Variants in NXPE2 observed in about 807,000 individuals in gnomAD.
NXPE2 encodes neurexophilin and PC-esterase domain family member 2, also known as NXPE family member 2.
In NXPE2, 34 loss-of-function variants were observed where a neutral mutation model predicts 34.4. The observed-to-expected ratio is 0.99, with a 90% CI of 0.75 to 1.31. NXPE2 has a LOEUF of 1.31. NXPE2 is among the 40% of genes most tolerant of loss of function. The pLI is 0.00. For missense variants in NXPE2, 649 were observed against 672.5 expected, an observed-to-expected ratio of 0.97 and a Z score of 0.39; for synonymous variants, 235 against 231.3, an observed-to-expected ratio of 1.02 and a Z score of -0.15.
At chr11:114,749,649 A>T in the NXPE2 span, among the ~76,000 whole-genome samples, 1 of 152,152 alleles carries the variant, frequency 6.6e-6, no homozygotes, top group African/African-American at 2.4e-5. Context: ...TGACAATGAC[A>T]AAACTATCTC....
chr11:114,704,868 T>A (rs910924674), intron 4 of NXPE2, among the ~76,000 whole-genome samples: 6 of 152,220 alleles, frequency 3.9e-5, no homozygotes, highest in African/African-American at 1.2e-4. Flanking sequence ...TTGAGGCAAT[T>A]TGAATGTTTG....
chr11:114,569,182 TG>T, the NXPE2 span, among the ~76,000 whole-genome samples: 7 of 152,308 alleles, frequency 4.6e-5, no homozygotes, highest in African/African-American at 1.7e-4. Flanking sequence ...TGGTGGTATC[TG>T]GGGCATGATG....
At chr11:114,703,736 G>C (rs911581016) in intron 3 of NXPE2, among the ~76,000 whole-genome samples, 1 of 152,090 alleles carries the variant, frequency 6.6e-6, no homozygotes, top group African/African-American at 2.4e-5. Context: ...CAGATAGATA[G>C]ATAGATGTTA....
downstream of NXPE2, among the ~76,000 whole-genome samples, chr11:114,709,630 G>A (rs954044423): frequency 6.6e-6 from 1 of 152,192 alleles, no homozygotes; most frequent in Admixed American, 6.5e-5. Context: ...TCAGATGCTG[G>A]GTGTGGTGGC....
chr11:114,476,844 G>T, the NXPE2 span, among the ~76,000 whole-genome samples: 1 of 152,166 alleles, frequency 6.6e-6, no homozygotes, highest in African/African-American at 2.4e-5. Context: ...TCAATAGTGT[G>T]TGTGGAGGTA....
chr11:114,467,897 C>T, the NXPE2 span, among the ~76,000 whole-genome samples: 2 of 152,018 alleles, frequency 1.3e-5, no homozygotes, highest in African/African-American at 2.4e-5. Flanking sequence ...GATTGTGTCA[C>T]TGCATTCCAG....
the NXPE2 span, chr11:114,571,197 T>A: frequency 1.9e-6 from 3 of 1,614,068 alleles, no homozygotes; most frequent in Non-Finnish European, 2.5e-6. Context: ...AAGAAGATGC[T>A]GAATGGCTTT....
At chr11:114,645,214 T>C in the NXPE2 span, among the ~76,000 whole-genome samples, 1 of 151,934 alleles carries the variant, frequency 6.6e-6, no homozygotes, top group Non-Finnish European at 1.5e-5. Flanking sequence ...GGCAGGAGAA[T>C]CACTTGAACC....
the NXPE2 span, among the ~76,000 whole-genome samples, chr11:114,811,144 A>T: frequency 7.4e-6 from 1 of 134,418 alleles, no homozygotes; most frequent in African/African-American, 2.8e-5. Context: ...ATGAGAACAC[A>T]TGGACACAGG....
the NXPE2 span, among the ~76,000 whole-genome samples, chr11:114,760,913 G>T: frequency 6.6e-6 from 1 of 152,108 alleles, no homozygotes; most frequent in African/African-American, 2.4e-5. Flanking sequence ...GATGGCCTGA[G>T]AACTTATTTA....
At chr11:114,730,782 C>T in the NXPE2 span, among the ~76,000 whole-genome samples, 3 of 151,952 alleles carry the variant, frequency 2.0e-5, no homozygotes, top group Admixed American at 2.0e-4. Flanking sequence ...TTTATTAGTT[C>T]CAAGAGCCTT....
the NXPE2 span, among the ~76,000 whole-genome samples, chr11:114,731,101 T>G: frequency 6.6e-6 from 1 of 152,186 alleles, no homozygotes; most frequent in Non-Finnish European, 1.5e-5. Flanking sequence ...GCTTTTATCA[T>G]GAAGGCATGT....
At chr11:114,543,224 C>T in the NXPE2 span, among the ~76,000 whole-genome samples, 9 of 152,048 alleles carry the variant, frequency 5.9e-5, no homozygotes, top group Non-Finnish European at 8.8e-5. Flanking sequence ...GGCATGGTGG[C>T]GGGCAGCTGT....
At chr11:114,630,272 A>G in the NXPE2 span, among the ~76,000 whole-genome samples, 1 of 151,882 alleles carries the variant, frequency 6.6e-6, no homozygotes, top group African/African-American at 2.4e-5. Flanking sequence ...ACTTCAAACT[A>G]TACTAAAAGG....
At chr11:114,531,851 G>A in the NXPE2 span, among the ~76,000 whole-genome samples, 2 of 152,020 alleles carry the variant, frequency 1.3e-5, no homozygotes, top group Non-Finnish European at 2.9e-5. Context: ...GGCACTATAC[G>A]GTGCTTTATA....
chr11:114,706,153 A>G (rs1035792076), intron 5 of NXPE2, among the ~76,000 whole-genome samples, 157 bp downstream of exon 5: 3 of 150,208 alleles, frequency 2.0e-5, no homozygotes, highest in Non-Finnish European at 3.0e-5. Flanking sequence ...GGCTTTTAAT[A>G]AAAAGTTAAA....
At chr11:114,624,009 T>C in the NXPE2 span, among the ~76,000 whole-genome samples, 1 of 152,094 alleles carries the variant, frequency 6.6e-6, no homozygotes, top group Admixed American at 6.5e-5. Flanking sequence ...ACCCGGTGGA[T>C]AATAAGTGTT....
chr11:114,608,609 C>T, the NXPE2 span, among the ~76,000 whole-genome samples: 1 of 151,218 alleles, frequency 6.6e-6, no homozygotes, highest in Non-Finnish European at 1.5e-5. Context: ...TCTAGGGTAA[C>T]CACTGTTACT....
the NXPE2 span, among the ~76,000 whole-genome samples, chr11:114,740,207 A>G: frequency 2.0e-5 from 3 of 152,176 alleles, no homozygotes; most frequent in Non-Finnish European, 2.9e-5. Flanking sequence ...CTATATAAAT[A>G]TCTTATTGTA....
Sources: allele counts gnomAD v4.1 joint callset (sites outside exome capture counted in the v4.1 genomes callset), GRCh38; gene constraint gnomAD v4.1.1; transcripts MANE v1.5; gene names NCBI Gene and HGNC (gene_info 2026-07-23, HGNC 2026-07-21).